REDIC1: variants seen among roughly 807,000 people sequenced by gnomAD.
REDIC1 encodes HEI10 Interacting Protein 1.
chr12:39,726,708 T>C, the REDIC1 span, among the ~76,000 whole-genome samples: 1 of 152,200 alleles, frequency 6.6e-6, no homozygotes, highest in Non-Finnish European at 1.5e-5. Flanking sequence ...CAAATGATAT[T>C]TCTGGTTGTA....
At chr12:39,739,326 A>T in the REDIC1 span, among the ~76,000 whole-genome samples, 1 of 152,196 alleles carries the variant, frequency 6.6e-6, no homozygotes, top group Non-Finnish European at 1.5e-5. Context: ...TTTCTCAATG[A>T]GTTTTTAATT....
chr12:39,896,242 A>G, the REDIC1 span, among the ~76,000 whole-genome samples: 4 of 100,142 alleles, frequency 4.0e-5, no homozygotes, highest in Admixed American at 1.0e-4. Context: ...ATGTGTATAT[A>G]TGTATACATG....
the REDIC1 span, among the ~76,000 whole-genome samples, chr12:39,747,231 A>G: frequency 6.6e-6 from 1 of 152,232 alleles, no homozygotes; most frequent in Non-Finnish European, 1.5e-5. Context: ...AAGTCCTTAA[A>G]TGACCTGATG....
chr12:39,684,720 C>T, the REDIC1 span: 7 of 580,072 alleles, frequency 1.2e-5, no homozygotes, highest in South Asian at 9.8e-5. Flanking sequence ...TAGGTGGGCT[C>T]CTTGGCATGG....
At chr12:39,812,168 G>C in the REDIC1 span, among the ~76,000 whole-genome samples, 1 of 152,138 alleles carries the variant, frequency 6.6e-6, no homozygotes, top group East Asian at 1.9e-4. Flanking sequence ...CTGCTCCCTG[G>C]TTCATAGCCA....
At chr12:39,671,727 G>A in the REDIC1 span, among the ~76,000 whole-genome samples, 5 of 152,106 alleles carry the variant, frequency 3.3e-5, no homozygotes, top group South Asian at 8.3e-4. Flanking sequence ...GTGTGTGGGT[G>A]CTGGCAGTGG....
the REDIC1 span, among the ~76,000 whole-genome samples, chr12:39,730,528 C>T: frequency 3.2e-4 from 48 of 152,318 alleles, no homozygotes; most frequent in South Asian, 1.7e-3. Context: ...GAGAGATCTG[C>T]TGTTAGTCTG....
At chr12:39,689,201 C>T in the REDIC1 span, among the ~76,000 whole-genome samples, 1 of 152,142 alleles carries the variant, frequency 6.6e-6, no homozygotes, top group Admixed American at 6.5e-5. Context: ...GTAGTGAGGC[C>T]CCAAGGGATA....
the REDIC1 span, chr12:39,829,961 T>C: frequency 2.0e-6 from 2 of 1,017,308 alleles, no homozygotes; most frequent in South Asian, 2.9e-5. Context: ...GCATCCACTA[T>C]CACCAGTATA....
the REDIC1 span, among the ~76,000 whole-genome samples, chr12:39,893,877 C>T: frequency 6.6e-6 from 1 of 152,206 alleles, no homozygotes; most frequent in Admixed American, 6.5e-5. Flanking sequence ...AATTCACAAT[C>T]CATATGAAAT....
the REDIC1 span, among the ~76,000 whole-genome samples, chr12:39,639,966 T>C: frequency 6.6e-6 from 1 of 151,844 alleles, no homozygotes; most frequent in Admixed American, 6.6e-5. Flanking sequence ...AGAACAAATA[T>C]CTTATAACCA....
At chr12:39,785,814 G>A in the REDIC1 span, among the ~76,000 whole-genome samples, 2 of 152,190 alleles carry the variant, frequency 1.3e-5, no homozygotes, top group Non-Finnish European at 2.9e-5. Flanking sequence ...TCATTTTGGA[G>A]CTTTAAAATT....
the REDIC1 span, among the ~76,000 whole-genome samples, chr12:39,634,297 G>T: frequency 6.6e-6 from 1 of 152,140 alleles, no homozygotes; most frequent in Non-Finnish European, 1.5e-5. Context: ...CTGAGACTTT[G>T]CTGAAGTTGC....
chr12:39,660,998 A>G, the REDIC1 span, among the ~76,000 whole-genome samples: 1 of 152,016 alleles, frequency 6.6e-6, no homozygotes, highest in Non-Finnish European at 1.5e-5. Flanking sequence ...ATTCTTTTTT[A>G]ATGGATGGAT....
the REDIC1 span, among the ~76,000 whole-genome samples, chr12:39,785,261 C>T: frequency 6.6e-6 from 1 of 152,154 alleles, no homozygotes; most frequent in Admixed American, 6.5e-5. Context: ...AGCCTAGAGA[C>T]TTGGTGCCCT....
At chr12:39,847,147 G>A in the REDIC1 span, among the ~76,000 whole-genome samples, 1 of 152,106 alleles carries the variant, frequency 6.6e-6, no homozygotes. Flanking sequence ...GAACTAAATC[G>A]TGAAAGTAGG....
At chr12:39,898,412 T>C in the REDIC1 span, among the ~76,000 whole-genome samples, 6 of 152,154 alleles carry the variant, frequency 3.9e-5, no homozygotes, top group Admixed American at 3.9e-4. Context: ...TTGATTTACC[T>C]GTAAAGTAAA....
At chr12:39,721,428 T>C in the REDIC1 span, 4 of 571,030 alleles carry the variant, frequency 7.0e-6, no homozygotes, top group South Asian at 9.4e-5. Flanking sequence ...TATTAATGTA[T>C]GTATTTAATT....
the REDIC1 span, among the ~76,000 whole-genome samples, chr12:39,743,805 A>G: frequency 1.3e-5 from 2 of 152,196 alleles, no homozygotes; most frequent in Non-Finnish European, 2.9e-5. Flanking sequence ...GATCAAAACA[A>G]TAAAAAATAA....
Sources: gnomAD v4.1 joint callset for allele counts (sites outside exome capture counted in the v4.1 genomes callset) on GRCh38, gnomAD v4.1.1 for gene constraint, MANE v1.5 for transcripts, NCBI Gene and HGNC (gene_info 2026-07-23, HGNC 2026-07-21) for gene names.